Variants in DDX3Y observed in about 807,000 individuals in gnomAD.
DDX3Y encodes ATP-dependent RNA helicase DDX3Y.
In DDX3Y, 2 loss-of-function variants were observed where a neutral mutation model predicts 15.1. The ratio of observed to expected loss-of-function variants is 0.13; its 90% CI spans 0.05 to 0.42. The LOEUF is 0.42. Ranked by LOEUF, DDX3Y falls within the 10% of genes least tolerant of loss-of-function variation. The probability of loss-of-function intolerance (pLI) is 0.99; values close to 1 mark genes in which losing one functional copy is unlikely to be tolerated. For synonymous variants in DDX3Y, 47 were observed against 45.0 expected, an observed-to-expected ratio of 1.04 and a Z score of -0.18; for missense variants, 81 against 149.9, an observed-to-expected ratio of 0.54 and a Z score of 2.40.
chrY:12,916,344 G>T lies in DDX3Y; in HGVS notation c.1393G>T (p.Ala465Ser). The T allele has an allele frequency of 5.0e-6, 2 of 398,501 alleles. No individual in the cohort carries two copies. Among genetic ancestry groups the T allele is most frequent in the Non-Finnish European group, 7.1e-6 (2 of 283,244 alleles). ...LEDFLYHEGY[A>S]CTSIHGDRSQ... The stretch of plus-strand genomic sequence containing the variant: ...GGATTTCTTATACCATGAAGGATAT[G>T]CTTGTACTAGTATTCATGGAGACCG... The change falls in exon 13 of 17, where the codon GCT becomes TCT. Residue 465 changes from alanine (A) to serine (S), a missense_variant. Physicochemically the swap from Ala to Ser is moderately conservative, Grantham distance 99 (BLOSUM62 1). This residue lies in a region of DDX3Y where 52 missense variants were observed against 122.8 expected (regional missense o/e 0.42). Transcript: ENST00000336079.
Position 12,912,880 on chromosome Y carries a change from G to A in DDX3Y, c.435G>A (p.Glu145=). Residue 145 remains glutamate (E), a splice_region_variant and synonymous_variant, in exon 5 of 17, where the codon GAG becomes GAA. Coordinates refer to ENST00000336079, the MANE Select transcript of DDX3Y (RefSeq NM_004660.5). Reference sequence around the variant, plus strand: ...CACTTCCACCAAGTGAACGCTTGGAGCAGTAAGTTTTTGAAATGTATGTTA... The same window carrying A: ...CACTTCCACCAAGTGAACGCTTGGAACAGTAAGTTTTTGAAATGTATGTTA... ...SKPLPPSERL[E]QELFSGGNTG... is the part of the protein sequence containing the mutation. The A allele has an allele frequency of 2.5e-6, 1 of 398,601 alleles. No homozygotes were observed. The highest frequency in any genetic ancestry group is 3.5e-6 in the Non-Finnish European group (1 of 283,289).
chrY:12,911,658 A>G (rs1002744552), intron 3 of DDX3Y, among the ~76,000 whole-genome samples, 181 bp from the exon 4 acceptor site: 3 of 34,432 alleles, frequency 8.7e-5, no homozygotes, highest in Non-Finnish European at 2.2e-4. Context: ...TTTGCTTCAT[A>G]TAATAATCTC....
intron 2 of DDX3Y, among the ~76,000 whole-genome samples, chrY:12,908,745 C>T (rs1050740586): frequency 8.9e-5 from 3 of 33,596 alleles, no homozygotes; most frequent in Non-Finnish European, 2.2e-4. Context: ...TGCAGTGGCG[C>T]GATCTCGGCT....
intron 1 of DDX3Y, among the ~76,000 whole-genome samples, chrY:12,905,520 C>G: frequency 5.9e-5 from 2 of 33,995 alleles, no homozygotes; most frequent in African/African-American, 2.3e-4. Context: ...CTTGGCAGCG[C>G]TGTGTTCCTT....
chrY:12,916,126 C>T, intron 12 of DDX3Y, 99 bp downstream of exon 12: 1 of 334,686 alleles, frequency 3.0e-6, no homozygotes, highest in Non-Finnish European at 4.3e-6. Context: ...TAAAACAATG[C>T]TTACATTAAT....
upstream of DDX3Y, chrY:12,904,823 A>G: frequency 4.0e-6 from 1 of 252,551 alleles, no homozygotes; most frequent in Non-Finnish European, 6.5e-6. Flanking sequence ...GGGAGGGGCC[A>G]TATTACCGCG....
rs373539916 is a variant in DDX3Y, at chrY:12,912,789, G to T, written c.344G>T (p.Gly115Val). 22 of 396,720 alleles carry T rather than the reference G, an allele frequency of 5.5e-5. No individual in the cohort carries two copies. The highest frequency in any genetic ancestry group is 1.3e-4 in the African/African-American group (2 of 15,635). ...GIGNRERPGF[G>V]RFERSGHSRW... ...GGCAATCGTGAAAGACCTGGCTTTG[G>T]CAGATTTGAACGGAGTGGACATAGT... Residue 115 changes from glycine to valine, a missense_variant, in exon 5 of 17, where the codon GGC becomes GTC. Gly to Val is a moderately radical substitution (Grantham distance 109). Coordinates refer to ENST00000336079, the MANE Select transcript of DDX3Y (RefSeq NM_004660.5).
rs1434545227 is a variant in DDX3Y at position 12,909,342 on chromosome Y, T to G, written c.104-18T>G. On this transcript the variant is annotated intron_variant, in intron 2 of 16. Transcript: ENST00000336079. Reference sequence around the variant, plus strand: ...TTGGCGATGTTATAGGCTTCTAATTTTACATTTTCTCTTTTAGAAGGGCGC... The same window carrying G: ...TTGGCGATGTTATAGGCTTCTAATTGTACATTTTCTCTTTTAGAAGGGCGC... 1 of 385,920 alleles carries G rather than the reference T, an allele frequency of 2.6e-6. No homozygotes were observed. Among genetic ancestry groups the G allele is most frequent in the Non-Finnish European group, 3.6e-6 (1 of 274,541 alleles).
chrY:12,910,521 T>G, intron 3 of DDX3Y, among the ~76,000 whole-genome samples: 3 of 33,306 alleles, frequency 9.0e-5, no homozygotes, highest in Non-Finnish European at 1.5e-4. Flanking sequence ...TAGGCAACAA[T>G]GAGGGTTTTT....
chrY:12,904,905 T>C lies in DDX3Y; in HGVS notation c.-32T>C, dbSNP rs779939256. On this transcript the variant is annotated 5_prime_UTR_variant, in exon 1 of 17. Coordinates refer to ENST00000336079, the MANE Select transcript of DDX3Y (RefSeq NM_004660.5). ...CCGCTATTCGGTCTCACACCTACAG[T>C]GGACTACCCGATTTTTCGCTTCTCT... is the stretch of plus-strand genomic sequence containing the variant. 1 of 396,723 alleles carries C rather than the reference T, an allele frequency of 2.5e-6. No individual in the cohort carries two copies. The highest frequency in any genetic ancestry group is 3.6e-6 in the Non-Finnish European group (1 of 281,467).
intron 7 of DDX3Y, 71 bp from the exon 8 acceptor site, chrY:12,914,493 A>G: frequency 4.1e-6 from 1 of 244,766 alleles, no homozygotes; most frequent in South Asian, 3.6e-5. Flanking sequence ...TTTTCTTACA[A>G]TTCAAGGGCA....
chrY:12,904,727 A>T, upstream of DDX3Y: 1 of 152,644 alleles, frequency 6.6e-6, no homozygotes, highest in East Asian at 1.2e-4. Context: ...AGGGAGAAGT[A>T]ACGGTAGCGA....
intron 3 of DDX3Y, among the ~76,000 whole-genome samples, chrY:12,911,452 T>C (rs9341301): frequency 0.11 from 3,733 of 33,602 alleles, no homozygotes; most frequent in Non-Finnish European, 0.19. Context: ...AGCTTAAAAA[T>C]TGGGAACTTG....
Position 12,919,500 on chromosome Y carries a change from T to G in DDX3Y, c.*1378T>G. The G allele has an allele frequency of 2.9e-5, 1 of 34,127 alleles. No homozygotes were observed. The allele number at this position is 34,127 out of a possible 400,897, so 8.5% of individuals were successfully genotyped here. ...AAATTTCTTAAAGTGCAATAGATTT[T>G]CAAGTGTATTGTGCCTTGTTCTAAA... On this transcript the variant is annotated 3_prime_UTR_variant, in exon 17 of 17. Transcript: ENST00000336079.
intron 1 of DDX3Y, among the ~76,000 whole-genome samples, chrY:12,907,213 A>C (rs9341287): frequency 3.0e-4 from 10 of 33,696 alleles, no homozygotes; most frequent in African/African-American, 6.9e-4. Context: ...ACTGTAGCTA[A>C]ATTGGATGTT....
At position 12,918,527 on chromosome Y, in the gene DDX3Y, G is replaced by A. The variant is rs2053657777; in HGVS notation, c.*405G>A. ...TGACAAAATAAATTTACTAAACTTGGCCTAAAATCAAACCTTGGCACAGAG... is the reference window on the plus strand; with the variant it reads ...TGACAAAATAAATTTACTAAACTTGACCTAAAATCAAACCTTGGCACAGAG... On this transcript the variant is annotated 3_prime_UTR_variant, in exon 17 of 17. Transcript: ENST00000336079. The A allele has an allele frequency of 2.9e-5, 1 of 34,199 alleles. No homozygotes were observed. Among genetic ancestry groups the A allele is most frequent in the East Asian group, 7.5e-4 (1 of 1,326 alleles). The allele number at this position is 34,199 out of a possible 400,897, so 8.5% of individuals were successfully genotyped here.
chrY:12,914,661 G>A lies in DDX3Y; in HGVS notation c.759+12G>A. The A allele has an allele frequency of 2.7e-6, 1 of 374,540 alleles. No homozygotes were observed. Among genetic ancestry groups the A allele is most frequent in the Non-Finnish European group, 3.8e-6 (1 of 264,363 alleles). 93.4% of individuals were successfully genotyped at this position (374,540 alleles called of 400,897 possible). ...TGAAGGCTGTGAAGGTAAAGGTTTT[G>A]TTATAAAATCAGACATTTTTGTTTT... On this transcript the variant is annotated intron_variant, in intron 8 of 16. Transcript: ENST00000336079.
chrY:12,908,775 C>A (rs2053619348), intron 2 of DDX3Y, among the ~76,000 whole-genome samples: 1 of 33,724 alleles, frequency 3.0e-5, no homozygotes, highest in Non-Finnish European at 7.4e-5. Context: ...CTCCCCCTCC[C>A]AGGTTCATGC....
chrY:12,909,227 T>G, intron 2 of DDX3Y, 133 bp from the exon 3 acceptor site: 1 of 172,228 alleles, frequency 5.8e-6, no homozygotes, highest in Non-Finnish European at 1.0e-5. Context: ...TCCGCTCATC[T>G]TGCAAAGTAG....
Sources: allele counts gnomAD v4.1 joint callset (sites outside exome capture counted in the v4.1 genomes callset), GRCh38; gene constraint gnomAD v4.1.1; regional missense constraint gnomAD v4.1.1; transcripts MANE v1.5; gene names NCBI Gene and HGNC (gene_info 2026-07-23, HGNC 2026-07-21).